Variants in RPS6KA2 observed in about 807,000 individuals in gnomAD.
The protein encoded by RPS6KA2 is ribosomal protein S6 kinase alpha-2.
A neutral mutation model predicts 91.8 loss-of-function variants in RPS6KA2; 42 were observed. That is an observed-to-expected ratio of 0.46 (90% confidence interval 0.36 to 0.59). The LOEUF (loss-of-function observed/expected upper bound fraction) is 0.59, where lower values mean the gene tolerates loss of function less well. Among genes scored for constraint, RPS6KA2 ranks in the 20% least tolerant of loss-of-function variants. RPS6KA2 has a pLI of 0.00. For synonymous variants in RPS6KA2, 414 were observed against 393.6 expected (o/e 1.05, Z -0.61); for missense variants, 798 against 978.5 (o/e 0.82, Z 2.46).
intron 2 of RPS6KA2, among the ~76,000 whole-genome samples, chr6:166,847,631 A>G (rs902904167): frequency 3.3e-5 from 5 of 152,230 alleles, no homozygotes; most frequent in African/African-American, 1.2e-4. Context: ...CTGATCTTCA[A>G]CAAAGCAAAC....
chr6:166,584,036 A>T (rs1314667735), intron 1 of RPS6KA2, among the ~76,000 whole-genome samples: 2 of 152,350 alleles, frequency 1.3e-5, no homozygotes, highest in African/African-American at 4.8e-5. Context: ...AGGTTAATAA[A>T]TTTAAAATGC....
chr6:166,717,174 T>A (rs1027217955), intron 2 of RPS6KA2, among the ~76,000 whole-genome samples: 6 of 151,822 alleles, frequency 4.0e-5, no homozygotes, highest in African/African-American at 1.5e-4. Flanking sequence ...GGAAGAGGAG[T>A]CTGAGTTCGT....
intron 2 of RPS6KA2, among the ~76,000 whole-genome samples, chr6:166,747,322 TG>T (rs920191565): frequency 6.6e-6 from 1 of 152,050 alleles, no homozygotes; most frequent in Non-Finnish European, 1.5e-5. Flanking sequence ...GTTCAGGAAA[TG>T]GGAAGAAAGA....
chr6:166,761,844 G>A (rs993315956), intron 2 of RPS6KA2, among the ~76,000 whole-genome samples: 2 of 152,150 alleles, frequency 1.3e-5, no homozygotes, highest in African/African-American at 4.8e-5. Flanking sequence ...TGGAAGGGAA[G>A]TGTCTCCTCG....
intron 1 of RPS6KA2, among the ~76,000 whole-genome samples, chr6:166,861,951 C>T (rs1240043935): frequency 1.3e-5 from 2 of 152,236 alleles, no homozygotes; most frequent in Non-Finnish European, 2.9e-5. Context: ...GCATACACAA[C>T]GCAACATATA....
At chr6:166,464,514 T>G (rs1490367244) in intron 11 of RPS6KA2, among the ~76,000 whole-genome samples, 1 of 152,208 alleles carries the variant, frequency 6.6e-6, no homozygotes, top group East Asian at 1.9e-4. Flanking sequence ...CCCTGGTGAC[T>G]GTGTGTCTCC....
intron 3 of RPS6KA2, among the ~76,000 whole-genome samples, chr6:166,515,395 G>C (rs1782613351): frequency 1.3e-5 from 2 of 152,122 alleles, no homozygotes. Flanking sequence ...GTAACCCCTT[G>C]GTGTGACTTT....
At chr6:166,472,366 A>G (rs1220918224) in intron 10 of RPS6KA2, among the ~76,000 whole-genome samples, 1 of 152,238 alleles carries the variant, frequency 6.6e-6, no homozygotes, top group African/African-American at 2.4e-5. Flanking sequence ...TATTGGTATA[A>G]CTACTATGTA....
intron 3 of RPS6KA2, among the ~76,000 whole-genome samples, chr6:166,530,827 A>C (rs920670421): frequency 6.6e-6 from 1 of 152,228 alleles, no homozygotes; most frequent in Non-Finnish European, 1.5e-5. Context: ...CTGGGTCAAC[A>C]AAGGAAAACA....
chr6:166,702,173 C>G, intron 2 of RPS6KA2: 1 of 1,600,716 alleles, frequency 6.2e-7, no homozygotes, highest in Non-Finnish European at 8.6e-7. Context: ...GGTGATGTTC[C>G]GAATGGTGGC....
chr6:166,414,774 T>C (rs1442690014), intron 19 of RPS6KA2, among the ~76,000 whole-genome samples: 1 of 152,206 alleles, frequency 6.6e-6, no homozygotes, highest in Non-Finnish European at 1.5e-5. Context: ...ATAAAATGAA[T>C]TAGAATGCGG....
chr6:166,684,673 AGGCCCCAGG>A (rs1788952759), intron 2 of RPS6KA2, among the ~76,000 whole-genome samples: 1 of 152,138 alleles, frequency 6.6e-6, no homozygotes, highest in Non-Finnish European at 1.5e-5. Context: ...TCTGCCCCAG[AGGCCCCAGG>A]AATCCGGCAG....
At position 166,605,564 on chromosome 6, in the gene RPS6KA2, G is replaced by C. The variant is rs545520227; in HGVS notation, c.99+21357C>G. 3.3e-5 allele frequency among the ~76,000 whole-genome samples: 5 copies of C among 152,186 alleles called. No individual in the cohort carries two copies. The South Asian group carries it at 6.2e-4, about 19-fold the overall frequency. ...GCACGTAAAATGCCATGTGACATTA[G>C]AACAAAAAATTAGCATGTAGAATGA... is the stretch of plus-strand genomic sequence containing the variant. On this transcript the variant is annotated intron_variant, in intron 1 of 20. Transcript: ENST00000265678.
intron 2 of RPS6KA2, among the ~76,000 whole-genome samples, chr6:166,799,562 A>G (rs1337510041): frequency 6.6e-6 from 1 of 151,210 alleles, no homozygotes; most frequent in Non-Finnish European, 1.5e-5. Context: ...CACAAAAAAA[A>G]TTGCATGCTC....
At chr6:166,618,305 A>G (rs917393878) in intron 1 of RPS6KA2, among the ~76,000 whole-genome samples, 5 of 152,214 alleles carry the variant, frequency 3.3e-5, no homozygotes, top group Non-Finnish European at 7.3e-5. Context: ...TACGGACAGT[A>G]ACTTCTCTTC....
chr6:166,651,861 T>C (rs1407338325), intron 2 of RPS6KA2, among the ~76,000 whole-genome samples: 2 of 152,248 alleles, frequency 1.3e-5, no homozygotes, highest in African/African-American at 4.8e-5. Context: ...GTGTAAGCTA[T>C]TGCTCTTGTA....
At chr6:166,549,745 G>A (rs6456093) in intron 1 of RPS6KA2, among the ~76,000 whole-genome samples, 65,110 of 151,954 alleles carry the variant, frequency 0.43, 15,099 homozygotes, top group African/African-American at 0.61. Flanking sequence ...TATTGCCACA[G>A]ATTACACATG....
intron 2 of RPS6KA2, among the ~76,000 whole-genome samples, chr6:166,848,960 CATCACTCTCCTGCT>C (rs1780671149): frequency 6.6e-6 from 1 of 151,862 alleles, no homozygotes; most frequent in Non-Finnish European, 1.5e-5. Context: ...ATGTGGGTCC[CATCACTCTCCTGCT>C]TAGAAGTCCC....
At chr6:166,517,764 C>T (rs539905336) in intron 3 of RPS6KA2, among the ~76,000 whole-genome samples, 33 of 152,202 alleles carry the variant, frequency 2.2e-4, no homozygotes, top group African/African-American at 7.5e-4. Flanking sequence ...CGTGAGCCAC[C>T]GCGCCCGGCC....
Sources: gnomAD v4.1 joint callset for allele counts (sites outside exome capture counted in the v4.1 genomes callset) on GRCh38, gnomAD v4.1.1 for gene constraint, MANE v1.5 for transcripts, NCBI Gene and HGNC (gene_info 2026-07-23, HGNC 2026-07-21) for gene names.